Variants in MRPS31 observed in about 807,000 individuals in gnomAD.
MRPS31 encodes small ribosomal subunit protein mS31.
MRPS31 carries 32 observed loss-of-function variants against 43.1 expected under a neutral mutation model. The ratio of observed to expected loss-of-function variants is 0.74; its 90% confidence interval spans 0.56 to 1.00. The LOEUF (loss-of-function observed/expected upper bound fraction) is 1.00. Ranked by LOEUF, MRPS31 falls within the 50% of genes least tolerant of loss-of-function variation. MRPS31 has a pLI of 0.00. For missense variants in MRPS31, 437 were observed against 466.7 expected (o/e 0.94, Z 0.59); for synonymous variants, 165 against 161.6 (o/e 1.02, Z -0.16).
chr13:40,749,306 A>G, intron 5 of MRPS31, 25 bp from the exon 6 acceptor site: 1 of 1,524,328 alleles, frequency 6.6e-7, no homozygotes, highest in Non-Finnish European at 8.7e-7. Flanking sequence ...CATTTTAGAT[A>G]ACAACAAGTC....
intron 1 of MRPS31, among the ~76,000 whole-genome samples, chr13:40,768,906 C>G (rs903110169): frequency 1.3e-5 from 2 of 152,142 alleles, no homozygotes; most frequent in Admixed American, 1.3e-4. Context: ...CTTTACAGTA[C>G]AAACTGTTGC....
chr13:40,741,802 G>A (rs930372265), intron 6 of MRPS31, among the ~76,000 whole-genome samples: 1 of 151,034 alleles, frequency 6.6e-6, no homozygotes, highest in South Asian at 2.1e-4. Context: ...CATAACAATG[G>A]GACATATAGA....
chr13:40,748,592 A>C (rs774823135), intron 6 of MRPS31, among the ~76,000 whole-genome samples: 4 of 152,354 alleles, frequency 2.6e-5, no homozygotes, highest in Admixed American at 6.5e-5. Flanking sequence ...ATCTCCAAAA[A>C]ATATCCAGTA....
chr13:40,732,300 C>T (rs1879721561), intron 6 of MRPS31, among the ~76,000 whole-genome samples: 1 of 152,194 alleles, frequency 6.6e-6, no homozygotes, highest in South Asian at 2.1e-4. Context: ...TTTTCATGGC[C>T]TTCCTCTCAA....
At chr13:40,729,845 T>G (rs1593438962) in intron 6 of MRPS31, among the ~76,000 whole-genome samples, 1 of 151,792 alleles carries the variant, frequency 6.6e-6, no homozygotes, top group African/African-American at 2.4e-5. Flanking sequence ...TTCTCCTGCC[T>G]CAGCCTCCCG....
intron 2 of MRPS31, among the ~76,000 whole-genome samples, chr13:40,761,591 T>A (rs1880696405): frequency 6.6e-6 from 1 of 152,128 alleles, no homozygotes; most frequent in Non-Finnish European, 1.5e-5. Flanking sequence ...CATACAGGGA[T>A]CTTTCTTCAT....
At chr13:40,739,632 C>A (rs1035485463) in intron 6 of MRPS31, among the ~76,000 whole-genome samples, 14 of 152,090 alleles carry the variant, frequency 9.2e-5, no homozygotes, top group Non-Finnish European at 1.9e-4. Flanking sequence ...AGAAGTAACG[C>A]CGTATATCTA....
In MRPS31 at chr13:40,767,025, T is replaced by C. The variant is rs556043646; in HGVS notation, c.161A>G (p.Asn54Ser). 6 of 1,603,836 alleles carry C rather than the reference T, an allele frequency of 3.7e-6. No individual in the cohort carries two copies. In the East Asian group the frequency reaches 6.7e-5, roughly 18 times the overall value. ...RSSALLARTK[N>S]NIQRYFGTNS... ...AGTGCCAAAATATCTTTGGATGTTA[T>C]TTTTTGTCCTGGAAAGATGCATTAA... Residue 54 changes from asparagine (N) to serine (S), a missense_variant, in exon 2 of 7, where the codon AAT becomes AGT. Coordinates refer to ENST00000323563, the MANE Select transcript of MRPS31 (RefSeq NM_005830.4).
chr13:40,729,531 T>C lies in MRPS31; in HGVS notation c.1029A>G (p.Lys343=). The change falls in exon 7 of 7, where the codon AAA becomes AAG. Residue 343 remains lysine (K), a synonymous_variant. Transcript: ENST00000323563. ...FLEKHLESFP[K]QGPIRHFMEL... ...CCATGAAGTGGCGAATTGGTCCTTG[T>C]TTTGGAAAGCTCTCCAGGTGTTTCT... 6.2e-7 allele frequency: 1 copy of C among 1,614,126 alleles called. No individual in the cohort carries two copies. Among genetic ancestry groups the C allele is most frequent in the South Asian group, 1.1e-5 (1 of 91,080 alleles).
rs768882571 is a variant in MRPS31, at chr13:40,757,000, T to A, written c.613A>T (p.Ile205Leu). 5.0e-6 allele frequency: 8 copies of A among 1,609,156 alleles called. No homozygotes were observed. Among genetic ancestry groups the A allele is most frequent in the Non-Finnish European group, 5.9e-6 (7 of 1,178,226 alleles). Residue 205 changes from isoleucine (I) to leucine (L), a missense_variant, in exon 4 of 7, where the codon ATA (isoleucine) becomes TTA (leucine). Ile to Leu is a conservative substitution (Grantham distance 5). Coordinates refer to ENST00000323563, the MANE Select transcript of MRPS31 (RefSeq NM_005830.4). ...KRPKISFSNI[I>L]SDMKVARSAT... The stretch of plus-strand genomic sequence containing the variant: ...GATCTGGCAACTTTCATATCTGATA[T>A]TATGTTACTGAAACTGAAATAATAA...
chr13:40,760,863 G>A (rs187692973), intron 2 of MRPS31, among the ~76,000 whole-genome samples: 7 of 151,964 alleles, frequency 4.6e-5, no homozygotes, highest in East Asian at 3.9e-4. Context: ...ATTATGATAC[G>A]TTACCTAATA....
intron 1 of MRPS31, among the ~76,000 whole-genome samples, chr13:40,769,403 T>TAC (rs1880943405): frequency 2.0e-5 from 2 of 102,118 alleles, no homozygotes; most frequent in Non-Finnish European, 3.7e-5. Context: ...TATATATATA[T>TAC]ATATATATAT....
At position 40,749,118 on chromosome 13, in the gene MRPS31, C is replaced by G; in HGVS notation, c.958+20G>C. The G allele has an allele frequency of 6.3e-7, 1 of 1,580,112 alleles. No homozygotes were observed. Among genetic ancestry groups the G allele is most frequent in the Non-Finnish European group, 8.5e-7 (1 of 1,170,442 alleles). ...AATCTCAATCAATACGTTTTATAATCCCCTGAAATTAACACTTACCTGCTT... is the reference window on the plus strand; with the variant it reads ...AATCTCAATCAATACGTTTTATAATGCCCTGAAATTAACACTTACCTGCTT... On this transcript the variant is annotated intron_variant, in intron 6 of 6. Coordinates refer to ENST00000323563, the MANE Select transcript of MRPS31 (RefSeq NM_005830.4).
chr13:40,760,641 T>C (rs548088836), intron 2 of MRPS31, among the ~76,000 whole-genome samples: 133 of 151,674 alleles, frequency 8.8e-4, no homozygotes, highest in African/African-American at 3.0e-3. Context: ...CTTTTTTTTT[T>C]TTTTTTTAAG....
chr13:40,749,602 T>G, intron 5 of MRPS31: 1 of 169,086 alleles, frequency 5.9e-6, no homozygotes, highest in Non-Finnish European at 1.3e-5. Context: ...GTGACTTTCA[T>G]TTTTAAAGTC....
chr13:40,748,726 T>G (rs1880307469), intron 6 of MRPS31, among the ~76,000 whole-genome samples: 1 of 152,232 alleles, frequency 6.6e-6, no homozygotes, highest in African/African-American at 2.4e-5. Flanking sequence ...ATGCAATGGT[T>G]TTATGACTAA....
At chr13:40,760,134 CAA>C (rs11327076) in intron 2 of MRPS31, among the ~76,000 whole-genome samples, 9,334 of 78,292 alleles carry the variant, frequency 0.12, 814 homozygotes, top group East Asian at 0.41. Context: ...TAGACTCTGT[CAA>C]AAAAAAAAAA....
At chr13:40,763,514 G>A (rs894967788) in intron 2 of MRPS31, among the ~76,000 whole-genome samples, 3 of 152,156 alleles carry the variant, frequency 2.0e-5, no homozygotes, top group Non-Finnish European at 4.4e-5. Context: ...CAGGCCAGAT[G>A]CAATCTATGA....
At chr13:40,762,622 G>T (rs1880729806) in intron 2 of MRPS31, among the ~76,000 whole-genome samples, 1 of 151,684 alleles carries the variant, frequency 6.6e-6, no homozygotes, top group Non-Finnish European at 1.5e-5. Context: ...TTTTTGTAGA[G>T]ACTGGGTCTC....
Sources: allele counts gnomAD v4.1 joint callset (sites outside exome capture counted in the v4.1 genomes callset), GRCh38; gene constraint gnomAD v4.1.1; transcripts MANE v1.5; gene names NCBI Gene and HGNC (gene_info 2026-07-23, HGNC 2026-07-21).